Variants in WASF3 observed in about 807,000 individuals in gnomAD.
The protein encoded by WASF3 is WASP family member 3.
In WASF3, 11 loss-of-function variants were observed where a neutral mutation model predicts 46.6. The ratio of observed to expected loss-of-function variants is 0.24; its 90% confidence interval spans 0.15 to 0.39. The LOEUF (loss-of-function observed/expected upper bound fraction) is 0.39, where lower values mean the gene tolerates loss of function less well. WASF3 is among the 10% of genes least tolerant of loss of function. WASF3 has a pLI of 1.00. For missense variants in WASF3, 576 were observed against 669.8 expected, an observed-to-expected ratio of 0.86 and a Z score of 1.55; for synonymous variants, 242 against 259.7, an observed-to-expected ratio of 0.93 and a Z score of 0.65.
At chr13:26,555,113 T>C (rs751461003), upstream of WASF3, among the ~76,000 whole-genome samples, 8 of 152,220 alleles carry the variant, frequency 5.3e-5, no homozygotes, top group African/African-American at 7.2e-5. Flanking sequence ...AGGTATGTCA[T>C]AGTATTTCAT....
the WASF3 span, among the ~76,000 whole-genome samples, chr13:26,550,830 G>A: frequency 6.6e-6 from 1 of 152,134 alleles, no homozygotes; most frequent in African/African-American, 2.4e-5. Context: ...GGAAGTGGGG[G>A]CAATGTGGGA....
intron 3 of WASF3, among the ~76,000 whole-genome samples, chr13:26,661,380 T>A (rs1882626640): frequency 6.6e-6 from 1 of 152,278 alleles, no homozygotes; most frequent in East Asian, 1.9e-4. Flanking sequence ...ATTTGTCTTT[T>A]GTGACTGATT....
chr13:26,554,092 C>CTTTTTCT (rs1443126879), upstream of WASF3, among the ~76,000 whole-genome samples: 4 of 23,278 alleles, frequency 1.7e-4, no homozygotes, highest in East Asian at 7.1e-3. Flanking sequence ...TCCTTCCTTC[C>CTTTTTCT]TTCCTTCTTT....
At chr13:26,600,622 T>C (rs1360131896) in intron 1 of WASF3, among the ~76,000 whole-genome samples, 1 of 152,242 alleles carries the variant, frequency 6.6e-6, no homozygotes, top group Admixed American at 6.5e-5. Context: ...TTTAGTAAGA[T>C]GTTTCACAAT....
intron 3 of WASF3, among the ~76,000 whole-genome samples, chr13:26,646,768 A>AT (rs1159423677): frequency 6.6e-6 from 1 of 152,146 alleles, no homozygotes; most frequent in African/African-American, 2.4e-5. Flanking sequence ...CTACTGTGAA[A>AT]ACCCAGGGCA....
intron 1 of WASF3, among the ~76,000 whole-genome samples, chr13:26,573,397 T>C (rs1488441088): frequency 6.6e-6 from 1 of 152,160 alleles, no homozygotes; most frequent in Admixed American, 6.5e-5. Flanking sequence ...ACATTAAGTT[T>C]ATGGTTTTAA....
intron 1 of WASF3, among the ~76,000 whole-genome samples, chr13:26,558,476 C>T (rs1276778424): frequency 5.5e-5 from 6 of 108,604 alleles, no homozygotes; most frequent in Admixed American, 5.3e-4. Context: ...GGACCGCGCG[C>T]ACGGAGCCGC....
At chr13:26,548,168 C>T in the WASF3 span, among the ~76,000 whole-genome samples, 1 of 152,192 alleles carries the variant, frequency 6.6e-6, no homozygotes, top group East Asian at 1.9e-4. Flanking sequence ...TTCATTTATA[C>T]AGCACCTGAT....
chr13:26,549,064 C>T, the WASF3 span, among the ~76,000 whole-genome samples: 3 of 151,620 alleles, frequency 2.0e-5, no homozygotes, highest in East Asian at 3.9e-4. Flanking sequence ...TCACTGCAAC[C>T]TCCGACTCCC....
At chr13:26,581,233 A>C (rs1879971089) in intron 1 of WASF3, among the ~76,000 whole-genome samples, 1 of 152,032 alleles carries the variant, frequency 6.6e-6, no homozygotes, top group African/African-American at 2.4e-5. Flanking sequence ...TACCTGGTCA[A>C]ATTTCTTTTT....
At position 26,660,671 on chromosome 13, in the gene WASF3, C is replaced by T. The variant is rs547886650; in HGVS notation, c.134-4357C>T. Among the ~76,000 whole-genome samples, 1,156 of 151,782 alleles carry T rather than the reference C, an allele frequency of 7.6e-3. 7 individuals are homozygous for T. Among genetic ancestry groups the T allele is most frequent in the Non-Finnish European group, 0.012 (786 of 67,936 alleles). On this transcript the variant is annotated intron_variant, in intron 3 of 9. Coordinates refer to ENST00000335327, the MANE Select transcript of WASF3 (RefSeq NM_006646.6). ...AGGGAGGGTTTTTCAGTGCAGAATT[C>T]TAGATTTTTATGATTTTCTTCTCCA...
At chr13:26,608,636 G>C (rs1880876179) in intron 1 of WASF3, among the ~76,000 whole-genome samples, 1 of 152,150 alleles carries the variant, frequency 6.6e-6, no homozygotes, top group Admixed American at 6.5e-5. Context: ...GGTGGGGCCA[G>C]CTAAAATGTG....
intron 3 of WASF3, among the ~76,000 whole-genome samples, chr13:26,649,246 G>T (rs1882240523): frequency 6.6e-6 from 1 of 152,168 alleles, no homozygotes; most frequent in African/African-American, 2.4e-5. Flanking sequence ...TACGTACGTT[G>T]TCTGGCAAAA....
At chr13:26,562,625 G>A (rs1396179100) in intron 1 of WASF3, among the ~76,000 whole-genome samples, 3 of 152,060 alleles carry the variant, frequency 2.0e-5, no homozygotes, top group Non-Finnish European at 4.4e-5. Context: ...AGTTTCCATT[G>A]GAGTTAGCCC....
chr13:26,587,592 A>G (rs1051397094), intron 1 of WASF3, among the ~76,000 whole-genome samples: 1 of 152,204 alleles, frequency 6.6e-6, no homozygotes, highest in Admixed American at 6.5e-5. Context: ...GTGCTGTCAT[A>G]ATTGACTATT....
At chr13:26,555,167 C>T (rs565451514), upstream of WASF3, among the ~76,000 whole-genome samples, 11 of 152,102 alleles carry the variant, frequency 7.2e-5, no homozygotes, top group Non-Finnish European at 1.6e-4. Context: ...TGATATTGAG[C>T]ATGTTTATTT....
intron 1 of WASF3, among the ~76,000 whole-genome samples, chr13:26,601,451 G>T (rs1159623976): frequency 6.6e-6 from 1 of 152,168 alleles, no homozygotes; most frequent in Non-Finnish European, 1.5e-5. Flanking sequence ...TCTAGACTTT[G>T]AAAGAAGCAT....
chr13:26,578,513 G>C (rs776384278), intron 1 of WASF3, among the ~76,000 whole-genome samples: 1 of 152,132 alleles, frequency 6.6e-6, no homozygotes, highest in Non-Finnish European at 1.5e-5. Context: ...ATGAGCTGCC[G>C]ATCACAGTAA....
intron 2 of WASF3, among the ~76,000 whole-genome samples, chr13:26,636,787 C>T (rs990569004): frequency 6.6e-6 from 1 of 152,206 alleles, no homozygotes; most frequent in Admixed American, 6.5e-5. Flanking sequence ...TGGCAGCTGC[C>T]GTGTCATGCA....
Sources: gnomAD v4.1 joint callset for allele counts (sites outside exome capture counted in the v4.1 genomes callset) on GRCh38, gnomAD v4.1.1 for gene constraint, MANE v1.5 for transcripts, NCBI Gene and HGNC (gene_info 2026-07-23, HGNC 2026-07-21) for gene names.